Variants in ANKS1A observed in about 807,000 individuals in gnomAD.
ANKS1A encodes ankyrin repeat and sterile alpha motif domain containing 1A, also known as ankyrin repeat and SAM domain-containing protein 1A.
ANKS1A carries 55 observed loss-of-function variants against 120.3 expected under a neutral mutation model. The observed-to-expected ratio is 0.46, with a 90% CI of 0.37 to 0.57. ANKS1A has a LOEUF of 0.57. Among genes scored for constraint, ANKS1A ranks in the 20% least tolerant of loss-of-function variants. The pLI is 0.00. For synonymous variants in ANKS1A, 590 were observed against 604.7 expected (o/e 0.98, Z 0.36); for missense variants, 1,123 against 1,480.3 (o/e 0.76, Z 3.96).
rs1430239869 is a variant in ANKS1A at position 35,090,563 on chromosome 6, C to G, written c.*1954C>G. ...TATTGGAAGCCTTGGCTAGTCTGCT[C>G]TAGCTCTGGGTTCTGTTTAGAGATT... On this transcript the variant is annotated 3_prime_UTR_variant, in exon 24 of 24. Coordinates refer to ENST00000360359, the MANE Select transcript of ANKS1A (RefSeq NM_015245.3). 2.9e-5 allele frequency: 30 copies of G among 1,020,996 alleles called. No homozygotes were observed. The South Asian group carries it at 9.3e-4, about 32-fold the overall frequency. 63.2% of individuals were successfully genotyped at this position (1,020,996 alleles called of 1,614,324 possible). A position where few individuals can be genotyped will look rare whatever the true frequency, so the allele number is the denominator to read the frequency against.
At chr6:34,977,242 C>A (rs988207871) in intron 3 of ANKS1A, among the ~76,000 whole-genome samples, 2 of 152,122 alleles carry the variant, frequency 1.3e-5, no homozygotes, top group Non-Finnish European at 2.9e-5. Context: ...ACATTTTTGG[C>A]AGGAGCGCCA....
chr6:34,998,526 A>T (rs894191635), intron 10 of ANKS1A, among the ~76,000 whole-genome samples: 1 of 152,116 alleles, frequency 6.6e-6, no homozygotes, highest in African/African-American at 2.4e-5. Context: ...TTAAAATTCT[A>T]CCCCTGACCT....
intron 11 of ANKS1A, among the ~76,000 whole-genome samples, chr6:35,019,929 A>G (rs1774243313): frequency 6.6e-6 from 1 of 152,200 alleles, no homozygotes; most frequent in Non-Finnish European, 1.5e-5. Flanking sequence ...GGGATTTGAC[A>G]TGGAATTAAA....
At chr6:34,945,563 T>A (rs926937267) in intron 1 of ANKS1A, among the ~76,000 whole-genome samples, 4 of 152,328 alleles carry the variant, frequency 2.6e-5, no homozygotes, top group African/African-American at 9.6e-5. Context: ...CTTTCTGGGC[T>A]CTCTATTCTG....
At chr6:35,071,715 G>A (rs1035883861) in intron 13 of ANKS1A, among the ~76,000 whole-genome samples, 4 of 152,268 alleles carry the variant, frequency 2.6e-5, no homozygotes, top group Admixed American at 6.5e-5. Flanking sequence ...CTCCCAGTCA[G>A]AACTTCTCTG....
At chr6:35,029,515 ATCT>A (rs1581670665) in intron 11 of ANKS1A, among the ~76,000 whole-genome samples, 1 of 151,394 alleles carries the variant, frequency 6.6e-6, no homozygotes, top group East Asian at 1.9e-4. Flanking sequence ...CGCCCAGCTA[ATCT>A]TTGTATTTTT....
intron 3 of ANKS1A, among the ~76,000 whole-genome samples, chr6:34,976,147 A>AG (rs1554140066): frequency 1.4e-5 from 2 of 145,736 alleles, no homozygotes; most frequent in African/African-American, 2.5e-5. Flanking sequence ...AAAAAAAAAA[A>AG]AAAAGAAAAG....
chr6:35,087,926 C>T (rs941929804), intron 23 of ANKS1A, among the ~76,000 whole-genome samples: 1 of 152,230 alleles, frequency 6.6e-6, no homozygotes, highest in Non-Finnish European at 1.5e-5. Context: ...GGGCCTGGCT[C>T]TGGAGTCTAG....
chr6:35,002,087 CTA>C (rs1360024791), intron 10 of ANKS1A, among the ~76,000 whole-genome samples: 2 of 152,160 alleles, frequency 1.3e-5, no homozygotes, highest in Non-Finnish European at 2.9e-5. Context: ...GCTAGACTAA[CTA>C]GATACCAAAG....
intron 12 of ANKS1A, among the ~76,000 whole-genome samples, chr6:35,055,650 A>G (rs929215248): frequency 6.6e-6 from 1 of 152,142 alleles, no homozygotes; most frequent in Admixed American, 6.5e-5. Flanking sequence ...TGTCCATGAA[A>G]TCATTACTTA....
chr6:34,921,359 C>A (rs560905565), intron 1 of ANKS1A, among the ~76,000 whole-genome samples: 2 of 152,072 alleles, frequency 1.3e-5, no homozygotes, highest in Non-Finnish European at 2.9e-5. Context: ...CAACAAAATA[C>A]ACGGGCTTAG....
Position 34,967,428 on chromosome 6 carries a change from C to T in ANKS1A, c.278+109C>T. On this transcript the variant is annotated intron_variant, in intron 2 of 23. Coordinates refer to ENST00000360359, the MANE Select transcript of ANKS1A (RefSeq NM_015245.3). ...GCTGGCTGAGCTTAGTGGCTCATGC[C>T]TGTAATCCCAGCACTTTGGGAGGCC... is the stretch of plus-strand genomic sequence containing the variant. 2.9e-6 allele frequency: 3 copies of T among 1,048,814 alleles called. No individual in the cohort carries two copies. In the South Asian group the frequency reaches 4.6e-5, roughly 16 times the overall value. 65.0% of individuals were successfully genotyped at this position (1,048,814 alleles called of 1,614,324 possible).
chr6:35,079,978 C>G, intron 16 of ANKS1A, 50 bp downstream of exon 16: 2 of 1,533,262 alleles, frequency 1.3e-6, no homozygotes, highest in Non-Finnish European at 1.8e-6. Flanking sequence ...CCTGTATTTG[C>G]AGGAATTACA....
chr6:34,985,730 G>A (rs1772162370), intron 8 of ANKS1A, among the ~76,000 whole-genome samples: 1 of 152,136 alleles, frequency 6.6e-6, no homozygotes, highest in Admixed American at 6.5e-5. Flanking sequence ...TTCTCCATTT[G>A]GATTTGGGCA....
At chr6:35,059,926 C>G (rs910929671) in intron 12 of ANKS1A, among the ~76,000 whole-genome samples, 2 of 152,104 alleles carry the variant, frequency 1.3e-5, no homozygotes, top group South Asian at 4.1e-4. Context: ...AGCAGCCGCC[C>G]GAGGCTGGGC....
intron 10 of ANKS1A, among the ~76,000 whole-genome samples, chr6:34,997,261 A>C (rs1318089006): frequency 1.4e-5 from 2 of 142,746 alleles, no homozygotes; most frequent in African/African-American, 2.6e-5. Context: ...CAGTGGCATG[A>C]CCTCAGCTCA....
chr6:34,974,027 T>TC (rs1554139706), intron 3 of ANKS1A, among the ~76,000 whole-genome samples: 9 of 51,418 alleles, frequency 1.8e-4, no homozygotes, highest in African/African-American at 8.0e-4. Context: ...CCCTTTCCCT[T>TC]CCCTTCCCCT....
At chr6:34,913,988 G>T (rs980367596) in intron 1 of ANKS1A, among the ~76,000 whole-genome samples, 4 of 151,962 alleles carry the variant, frequency 2.6e-5, no homozygotes, top group African/African-American at 7.3e-5. Context: ...CGTGATCTTG[G>T]CTCACTGCAA....
At chr6:35,093,103 TAAC>T (rs1778356782), downstream of ANKS1A, among the ~76,000 whole-genome samples, 2 of 152,014 alleles carry the variant, frequency 1.3e-5, no homozygotes, top group African/African-American at 2.4e-5. Flanking sequence ...TGTCATCAAC[TAAC>T]AACAAGGAAA....
Sources: allele counts gnomAD v4.1 joint callset (sites outside exome capture counted in the v4.1 genomes callset), GRCh38; gene constraint gnomAD v4.1.1; transcripts MANE v1.5; gene names NCBI Gene and HGNC (gene_info 2026-07-23, HGNC 2026-07-21).